The following CTNNA2 variants were observed in gnomAD, a reference collection of about 807,000 sequenced individuals.
CTNNA2 encodes the protein catenin alpha 2.
A neutral mutation model predicts 101.0 loss-of-function variants in CTNNA2; 42 were observed. The observed-to-expected ratio is 0.42, with a 90% CI of 0.32 to 0.54. The LOEUF is 0.54. Ranked by LOEUF, CTNNA2 falls within the 20% of genes least tolerant of loss-of-function variation. The pLI is 0.14. For synonymous variants in CTNNA2, 450 were observed against 456.4 expected (o/e 0.99, Z 0.18); for missense variants, 871 against 1,223.1 (o/e 0.71, Z 4.29).
intron 2 of CTNNA2, among the ~76,000 whole-genome samples, chr2:79,705,639 C>G (rs1214034770): frequency 6.6e-6 from 1 of 152,130 alleles, no homozygotes; most frequent in African/African-American, 2.4e-5. Context: ...ATGCTGGAGT[C>G]CAAGTCTTGA....
At chr2:79,705,189 A>G (rs1405879380) in intron 2 of CTNNA2, among the ~76,000 whole-genome samples, 1 of 152,162 alleles carries the variant, frequency 6.6e-6, no homozygotes, top group Non-Finnish European at 1.5e-5. Flanking sequence ...GCTGAGGCTG[A>G]GAAATCCTGT....
At chr2:80,070,217 GA>G (rs1190675342) in intron 7 of CTNNA2, among the ~76,000 whole-genome samples, 11 of 152,148 alleles carry the variant, frequency 7.2e-5, no homozygotes, top group African/African-American at 2.7e-4. Flanking sequence ...CAGTTTTCCT[GA>G]AAAGGTAGTT....
In CTNNA2 at chr2:79,941,910, C is replaced by T. The variant is rs117672230; in HGVS notation, c.1056+32113C>T. ...CTGGGATTACAGGTGTGAGCCACTG[C>T]GCCCAGCTCAGAAAACTATTTTTTA... is the stretch of plus-strand genomic sequence containing the variant. On this transcript the variant is annotated intron_variant, in intron 7 of 18. Coordinates refer to ENST00000402739, the MANE Select transcript of CTNNA2 (RefSeq NM_001282597.3). Among the ~76,000 whole-genome samples, 73 of 152,216 alleles carry T rather than the reference C, an allele frequency of 4.8e-4. No individual in the cohort carries two copies. In the East Asian group the frequency reaches 0.013, roughly 28 times the overall value.
chr2:80,557,781 T>G (rs908750620), intron 12 of CTNNA2, among the ~76,000 whole-genome samples: 1 of 152,206 alleles, frequency 6.6e-6, no homozygotes, highest in African/African-American at 2.4e-5. Flanking sequence ...ATTGCTTAGT[T>G]GATTGTAATA....
intron 17 of CTNNA2, among the ~76,000 whole-genome samples, chr2:80,615,089 G>A (rs557676121): frequency 4.4e-4 from 66 of 151,448 alleles, no homozygotes; most frequent in Non-Finnish European, 8.9e-4. Context: ...ATAGGCAAAA[G>A]AGAAGGGATA....
chr2:79,913,872 A>C (rs541325704), intron 7 of CTNNA2, among the ~76,000 whole-genome samples: 1 of 152,268 alleles, frequency 6.6e-6, no homozygotes, highest in Non-Finnish European at 1.5e-5. Context: ...TGGGTGTTGA[A>C]AGTAGCTTAC....
chr2:80,450,671 G>A (rs796434351), intron 9 of CTNNA2, among the ~76,000 whole-genome samples: 16 of 152,136 alleles, frequency 1.1e-4, no homozygotes, highest in African/African-American at 3.9e-4. Flanking sequence ...ACCAAAGGAG[G>A]GACATTCAGA....
intron 3 of CTNNA2, among the ~76,000 whole-genome samples, chr2:79,815,054 G>A (rs1677377272): frequency 6.6e-6 from 1 of 152,032 alleles, no homozygotes; most frequent in Non-Finnish European, 1.5e-5. Context: ...TCACATGTTG[G>A]TTGGCCATTT....
chr2:80,632,580 G>A (rs908428440), intron 18 of CTNNA2, among the ~76,000 whole-genome samples: 3 of 152,050 alleles, frequency 2.0e-5, no homozygotes, highest in African/African-American at 7.2e-5. Flanking sequence ...TCGTAACTAG[G>A]CTACCCCACG....
intron 11 of CTNNA2, among the ~76,000 whole-genome samples, chr2:80,549,363 GTTTA>G (rs1692365337): frequency 2.6e-5 from 4 of 151,944 alleles, no homozygotes; most frequent in African/African-American, 9.7e-5. Context: ...ACAGTCTTAA[GTTTA>G]TTTTCTTTTA....
chr2:80,356,554 C>T (rs867438055), intron 7 of CTNNA2, among the ~76,000 whole-genome samples: 1 of 151,816 alleles, frequency 6.6e-6, no homozygotes, highest in African/African-American at 2.4e-5. Context: ...TGGGGATGAA[C>T]CATACAGAGA....
chr2:79,708,070 A>C (rs999722945), intron 2 of CTNNA2, among the ~76,000 whole-genome samples: 22 of 152,334 alleles, frequency 1.4e-4, no homozygotes, highest in African/African-American at 5.3e-4. Flanking sequence ...GTAATAAAAC[A>C]TTCTAAAAAT....
At chr2:80,256,175 C>G (rs112377781) in intron 7 of CTNNA2, among the ~76,000 whole-genome samples, 3 of 152,146 alleles carry the variant, frequency 2.0e-5, no homozygotes, top group Non-Finnish European at 4.4e-5. Context: ...TTCAGAAACC[C>G]GTTAAAAGGC....
intron 12 of CTNNA2, among the ~76,000 whole-genome samples, chr2:80,571,059 T>C (rs1465288849): frequency 6.6e-6 from 1 of 152,162 alleles, no homozygotes; most frequent in East Asian, 1.9e-4. Flanking sequence ...ACCAACCTAA[T>C]AGCATGTCAC....
At chr2:79,428,163 A>AT (rs558079632) in intron 4 of CTNNA2, among the ~76,000 whole-genome samples, 5,961 of 145,082 alleles carry the variant, frequency 0.041, 178 homozygotes, top group Admixed American at 0.1. Context: ...CAGTCTCTTC[A>AT]TTTTTTTTTT....
At chr2:80,622,528 A>G (rs1207698013) in intron 18 of CTNNA2, among the ~76,000 whole-genome samples, 5 of 151,868 alleles carry the variant, frequency 3.3e-5, no homozygotes. Context: ...TCCATCCTTT[A>G]ACAGCCAATA....
At chr2:79,519,659 ACTT>A (rs1672000173) in intron 1 of CTNNA2, among the ~76,000 whole-genome samples, 1 of 152,134 alleles carries the variant, frequency 6.6e-6, no homozygotes, top group Non-Finnish European at 1.5e-5. Flanking sequence ...TGAAACATAA[ACTT>A]CTGCTGCATA....
Position 80,647,869 on chromosome 2 carries a change from C to T in CTNNA2, c.2859C>T (p.Phe953=). ...GTGAATTCAAAGCAATGGATTCCTT[C>T]TAGGACGATAGGTTTTAACAAGAAA... ...ALSEFKAMDS[F] is the part of the protein sequence containing the mutation. The change falls in exon 19 of 19, where the codon TTC becomes TTT. Residue 953 remains phenylalanine (F), a synonymous_variant. Coordinates refer to ENST00000402739, the MANE Select transcript of CTNNA2 (RefSeq NM_001282597.3). The T allele has an allele frequency of 6.3e-7, 1 of 1,581,090 alleles. No homozygotes were observed. The highest frequency in any genetic ancestry group is 8.6e-7 in the Non-Finnish European group (1 of 1,163,234).
chr2:79,814,630 CACACACACAT>C (rs1292695271), intron 3 of CTNNA2, among the ~76,000 whole-genome samples: 2 of 146,400 alleles, frequency 1.4e-5, no homozygotes, highest in African/African-American at 5.3e-5. Context: ...CACACACACA[CACACACACAT>C]ATATATATAT....
Sources: allele counts gnomAD v4.1 joint callset (sites outside exome capture counted in the v4.1 genomes callset), GRCh38; gene constraint gnomAD v4.1.1; transcripts MANE v1.5; gene names NCBI Gene and HGNC (gene_info 2026-07-23, HGNC 2026-07-21).